The following GLS variants were observed in gnomAD, a reference collection of about 807,000 sequenced individuals.
GLS encodes the protein glutaminase.
GLS carries 36 observed loss-of-function variants against 86.7 expected under a neutral mutation model. The ratio of observed to expected loss-of-function variants is 0.42; its 90% CI spans 0.32 to 0.55. GLS has a LOEUF of 0.55. Among genes scored for constraint, GLS ranks in the 20% least tolerant of loss-of-function variants. The pLI is 0.17. For synonymous variants in GLS, 317 were observed against 305.9 expected (o/e 1.04, Z -0.38); for missense variants, 528 against 833.4 (o/e 0.63, Z 4.51).
chr2:190,939,414 G>C (rs1441776365), intron 14 of GLS, among the ~76,000 whole-genome samples: 2 of 151,594 alleles, frequency 1.3e-5, no homozygotes, highest in African/African-American at 4.8e-5. Flanking sequence ...TGCCTGAGTA[G>C]CTCTTCTCCC....
chr2:190,948,898 G>C (rs2124942201), intron 14 of GLS, among the ~76,000 whole-genome samples: 1 of 152,288 alleles, frequency 6.6e-6, no homozygotes, highest in East Asian at 1.9e-4. Context: ...GGTTGTGGTG[G>C]GAGTGGAGGT....
chr2:190,927,731 G>A (rs577863044), intron 12 of GLS: 5 of 300,062 alleles, frequency 1.7e-5, no homozygotes, highest in Non-Finnish European at 2.5e-5. Context: ...AGTGTACAAG[G>A]TTAGTACAGT....
chr2:190,904,752 G>A (rs968126821), intron 5 of GLS, among the ~76,000 whole-genome samples: 3 of 152,088 alleles, frequency 2.0e-5, no homozygotes, highest in East Asian at 3.9e-4. Flanking sequence ...ATATGCAAAT[G>A]CTATATCATT....
At chr2:190,940,011 C>T (rs527302478) in intron 14 of GLS, among the ~76,000 whole-genome samples, 4 of 151,664 alleles carry the variant, frequency 2.6e-5, no homozygotes, top group South Asian at 2.1e-4. Context: ...TTTTCAGTTC[C>T]GTATCTTTAT....
intron 14 of GLS, chr2:190,932,568 G>T: frequency 2.2e-6 from 1 of 449,500 alleles, no homozygotes. Flanking sequence ...CATGGGAGTC[G>T]ACCTGAGTAA....
chr2:190,927,681 G>C, intron 12 of GLS, 199 bp downstream of exon 12: 1 of 470,086 alleles, frequency 2.1e-6, no homozygotes, highest in Non-Finnish European at 3.8e-6. Context: ...TTGGAAGTTT[G>C]ATTTATAGAA....
chr2:190,910,749 A>G (rs1447179494), intron 7 of GLS, among the ~76,000 whole-genome samples: 1 of 151,872 alleles, frequency 6.6e-6, no homozygotes, highest in Non-Finnish European at 1.5e-5. Context: ...TCTGGTACTT[A>G]AGACAAAGTA....
chr2:190,892,907 G>T (rs1272438519), intron 1 of GLS, among the ~76,000 whole-genome samples: 2 of 152,002 alleles, frequency 1.3e-5, no homozygotes, highest in African/African-American at 4.8e-5. Flanking sequence ...TGGCAATAAC[G>T]TGGTCATTTT....
rs1336708306 is a variant in GLS, at chr2:190,951,387, T to A, written c.1651-2178T>A. On this transcript the variant is annotated intron_variant, in intron 14 of 17. Coordinates refer to ENST00000320717, the MANE Select transcript of GLS (RefSeq NM_014905.5). This position sits in a 1 kb window ranked among gnomAD's most constrained non-coding sequence, Gnocchi z 4.2. ...GAAATAAGCGCTGAAGGGAGAACAA[T>A]AGGGTCAAGTGTTGCTTTTTAAAAA... Among the ~76,000 whole-genome samples the A allele has an allele frequency of 1.3e-5, 2 of 151,960 alleles. No individual in the cohort carries two copies. Among genetic ancestry groups the A allele is most frequent in the South Asian group, 2.1e-4 (1 of 4,828 alleles).
Position 190,949,085 on chromosome 2 carries a change from GTTCT to G in GLS, c.1651-4478_1651-4475del, listed in dbSNP as rs1333599672. On this transcript the variant is annotated intron_variant, in intron 14 of 17. Coordinates refer to ENST00000320717, the MANE Select transcript of GLS (RefSeq NM_014905.5). This position sits in a 1 kb window ranked among gnomAD's most constrained non-coding sequence, Gnocchi z 4.0. ...GAAGGATTTGATTAGGAATCTGGGT[GTTCT>G]TAAGAGCATAGACACCAAGACAAAA... is the stretch of plus-strand genomic sequence containing the variant. Among the ~76,000 whole-genome samples, 3 of 150,830 alleles carry G rather than the reference GTTCT, an allele frequency of 2.0e-5. No homozygotes were observed. Among genetic ancestry groups the G allele is most frequent in the African/African-American group, 7.5e-5 (3 of 40,222 alleles).
At chr2:190,939,029 A>G (rs1690351619) in intron 14 of GLS, among the ~76,000 whole-genome samples, 1 of 151,740 alleles carries the variant, frequency 6.6e-6, no homozygotes, top group Non-Finnish European at 1.5e-5. Flanking sequence ...ACGATTTTAA[A>G]TAAATAGAAG....
At chr2:190,907,046 C>T (rs1473948117) in intron 6 of GLS, among the ~76,000 whole-genome samples, 1 of 150,960 alleles carries the variant, frequency 6.6e-6, no homozygotes, top group Non-Finnish European at 1.5e-5. Flanking sequence ...TCCCCTGCCT[C>T]AGCGAGTAGC....
Position 190,953,460 on chromosome 2 carries a change from T to C in GLS, c.1651-105T>C. 1.3e-6 allele frequency: 1 copy of C among 758,348 alleles called. No homozygotes were observed. The highest frequency in any genetic ancestry group is 1.9e-5 in the Admixed American group (1 of 53,528). 47.0% of individuals were successfully genotyped at this position (758,348 alleles called of 1,614,324 possible). On this transcript the variant is annotated intron_variant, in intron 14 of 17. Transcript: ENST00000320717. This position sits in a 1 kb window ranked among gnomAD's most constrained non-coding sequence, Gnocchi z 4.0. ...CTTGAGATCACTTTTTGCACGTGAC[T>C]CAGCTGAAGTGTTCAAAGCACATGG...
rs1690496138 is a variant in GLS, at chr2:190,943,297, G to C, written c.1651-10268G>C. On this transcript the variant is annotated intron_variant, in intron 14 of 17. Transcript: ENST00000320717. This position sits in a 1 kb window ranked among gnomAD's most constrained non-coding sequence, Gnocchi z 4.5. ...AAGTTGGAGCTATAATTTTGTGAGT[G>C]GTCAGTATGAAGAGTAGTATTTGAA... Among the ~76,000 whole-genome samples, 1 of 152,126 alleles carries C rather than the reference G, an allele frequency of 6.6e-6. No individual in the cohort carries two copies.
chr2:190,913,671 G>A lies in GLS; in HGVS notation c.1038+3350G>A, dbSNP rs1689430266. ...GTTTTAGTTTAAAAGTTAAGATCTG[G>A]TGATAACTTAAGGGTTAGGATAGGA... On this transcript the variant is annotated intron_variant, in intron 7 of 17. Transcript: ENST00000320717. The surrounding 1 kb of genome is among the most constrained non-coding windows in gnomAD (Gnocchi z 6.1). The A allele has an allele frequency of 1.0e-6, 1 of 975,254 alleles. No homozygotes were observed. The highest frequency in any genetic ancestry group is 1.2e-6 in the Non-Finnish European group (1 of 820,890). 60.4% of individuals were successfully genotyped at this position (975,254 alleles called of 1,614,324 possible).
At position 190,924,960 on chromosome 2, in the gene GLS, C is replaced by T. The variant is rs1217008463; in HGVS notation, c.1248+367C>T. 2.0e-5 allele frequency among the ~76,000 whole-genome samples: 3 copies of T among 152,148 alleles called. No homozygotes were observed. The highest frequency in any genetic ancestry group is 4.4e-5 in the Non-Finnish European group (3 of 68,030). ...CACATTATGCAAAATATAGATGTCT[C>T]AGAAATCTTGGTTCTAGGCCATGAG... On this transcript the variant is annotated intron_variant, in intron 11 of 17. Transcript: ENST00000320717. This position sits in a 1 kb window ranked among gnomAD's most constrained non-coding sequence, Gnocchi z 5.2.
At chr2:190,960,730 C>G (rs1006233860) in intron 17 of GLS, among the ~76,000 whole-genome samples, 2 of 152,010 alleles carry the variant, frequency 1.3e-5, no homozygotes, top group African/African-American at 4.8e-5. Context: ...TGTTAGCTTG[C>G]AAGAAATGCA....
Position 190,895,136 on chromosome 2 carries a change from C to G in GLS, c.387-16C>G, listed in dbSNP as rs1688685993. Reference sequence around the variant, plus strand: ...TTCATACAAGGATTAATTTTGTGTTCTTTCTACCTCTTTAGTAAAATAAAA... The same window carrying G: ...TTCATACAAGGATTAATTTTGTGTTGTTTCTACCTCTTTAGTAAAATAAAA... On this transcript the variant is annotated splice_polypyrimidine_tract_variant and intron_variant, in intron 1 of 17. Transcript: ENST00000320717. The surrounding 1 kb of genome is among the most constrained non-coding windows in gnomAD (Gnocchi z 4.2). 2.7e-6 allele frequency: 3 copies of G among 1,115,060 alleles called. No individual in the cohort carries two copies. The highest frequency in any genetic ancestry group is 1.9e-5 in the Admixed American group (1 of 53,902). The allele number at this position is 1,115,060 out of a possible 1,614,324, so 69.1% of individuals were successfully genotyped here. A position where few individuals can be genotyped will look rare whatever the true frequency, so the allele number is the denominator to read the frequency against.
intron 3 of GLS, chr2:190,896,134 C>T (rs1688733060): frequency 6.5e-6 from 1 of 153,462 alleles, no homozygotes; most frequent in Non-Finnish European, 1.5e-5. Context: ...TTCAGACAGA[C>T]CTGTGTTCCT....
Sources: gnomAD v4.1 joint callset for allele counts (sites outside exome capture counted in the v4.1 genomes callset) on GRCh38, gnomAD v4.1.1 for gene constraint, Gnocchi (gnomAD v3.1) non-coding constraint, MANE v1.5 for transcripts, NCBI Gene and HGNC (gene_info 2026-07-23, HGNC 2026-07-21) for gene names.